Variants in MAPK14 observed in about 807,000 individuals in gnomAD.
MAPK14 encodes CSAID-binding protein.
A neutral mutation model predicts 49.6 loss-of-function variants in MAPK14; 16 were observed. That is an observed-to-expected ratio of 0.32 (90% CI 0.22 to 0.49). The LOEUF (loss-of-function observed/expected upper bound fraction) is 0.49, where lower values mean the gene tolerates loss of function less well. MAPK14 is among the 20% of genes least tolerant of loss of function. The pLI is 0.99. For missense variants in MAPK14, 200 were observed against 441.2 expected, an observed-to-expected ratio of 0.45 and a Z score of 4.90; for synonymous variants, 142 against 158.0, an observed-to-expected ratio of 0.90 and a Z score of 0.76.
intron 1 of MAPK14, among the ~76,000 whole-genome samples, chr6:36,037,310 A>G (rs983262958): frequency 1.3e-5 from 2 of 152,166 alleles, no homozygotes; most frequent in African/African-American, 4.8e-5. Flanking sequence ...AAGTCTTTTA[A>G]TAATTTATTA....
At chr6:36,083,097 C>T (rs1562137183) in intron 8 of MAPK14, among the ~76,000 whole-genome samples, 3 of 152,156 alleles carry the variant, frequency 2.0e-5, no homozygotes, top group African/African-American at 7.2e-5. Flanking sequence ...AGGCTTCCAA[C>T]AAGAAGAACG....
chr6:36,116,308 T>C, the MAPK14 span, among the ~76,000 whole-genome samples: 21 of 152,160 alleles, frequency 1.4e-4, no homozygotes, highest in African/African-American at 2.7e-4. Context: ...TAAGCAACTC[T>C]TGGTAAAAAT....
At chr6:36,037,865 T>G (rs938846303) in intron 1 of MAPK14, among the ~76,000 whole-genome samples, 6 of 152,094 alleles carry the variant, frequency 3.9e-5, no homozygotes, top group Non-Finnish European at 7.4e-5. Flanking sequence ...GGCACACTCC[T>G]GTAGTTCCAA....
chr6:36,113,928 A>T (rs1273467191), downstream of MAPK14, among the ~76,000 whole-genome samples: 2 of 152,242 alleles, frequency 1.3e-5, no homozygotes, highest in African/African-American at 2.4e-5. Context: ...AGTACTTTGT[A>T]GCGGCATTCT....
chr6:36,076,777 AAG>A (rs1334034665), intron 8 of MAPK14, 169 bp downstream of exon 8: 1 of 466,112 alleles, frequency 2.1e-6, no homozygotes, highest in Non-Finnish European at 3.8e-6. Flanking sequence ...CTTGCCAAGA[AAG>A]AGGCTTCAGT....
chr6:36,092,569 AT>A, intron 8 of MAPK14: 1 of 475,178 alleles, frequency 2.1e-6, no homozygotes. Context: ...AGTTTGACCC[AT>A]TTTCCTTCTG....
intron 8 of MAPK14, among the ~76,000 whole-genome samples, chr6:36,088,585 G>A (rs1171010786): frequency 6.6e-6 from 1 of 152,008 alleles, no homozygotes; most frequent in East Asian, 1.9e-4. Context: ...AGCCAGGCAT[G>A]GTGGTGTGCG....
intron 1 of MAPK14, among the ~76,000 whole-genome samples, chr6:36,035,790 G>A (rs557599272): frequency 2.6e-5 from 4 of 152,210 alleles, no homozygotes; most frequent in Non-Finnish European, 4.4e-5. Context: ...TTAAGTCAAA[G>A]CCTAATCTAG....
intron 3 of MAPK14, among the ~76,000 whole-genome samples, chr6:36,068,443 A>T (rs897507939): frequency 6.6e-6 from 1 of 152,004 alleles, no homozygotes; most frequent in Admixed American, 6.6e-5. Flanking sequence ...CTAAAGAAAC[A>T]CTCTTCCCCT....
At chr6:36,037,563 G>A (rs1229131707) in intron 1 of MAPK14, among the ~76,000 whole-genome samples, 1 of 152,154 alleles carries the variant, frequency 6.6e-6, no homozygotes, top group Non-Finnish European at 1.5e-5. Context: ...AGGGGAAGGA[G>A]CATAGGTTCA....
intron 8 of MAPK14, among the ~76,000 whole-genome samples, chr6:36,088,736 A>T (rs536929416): frequency 1.2e-4 from 19 of 152,188 alleles, no homozygotes; most frequent in African/African-American, 2.6e-4. Context: ...AAAAAAAAAA[A>T]ATATTGGCAA....
intron 1 of MAPK14, among the ~76,000 whole-genome samples, chr6:36,045,223 C>T (rs1763126585): frequency 6.6e-6 from 1 of 152,046 alleles, no homozygotes; most frequent in Non-Finnish European, 1.5e-5. Context: ...GCAATCTGTA[C>T]TGATGGATGC....
At chr6:36,041,427 A>G (rs926651953) in intron 1 of MAPK14, among the ~76,000 whole-genome samples, 4 of 151,982 alleles carry the variant, frequency 2.6e-5, no homozygotes, top group African/African-American at 7.3e-5. Context: ...GGTCTTGTTC[A>G]TATACTATCC....
At position 36,029,835 on chromosome 6, in the gene MAPK14, TCA is replaced by T. The variant is rs765284418; in HGVS notation, c.116+1563_116+1564del. 1.1e-4 allele frequency among the ~76,000 whole-genome samples: 16 copies of T among 150,522 alleles called. No homozygotes were observed. In the South Asian group the frequency reaches 2.1e-3, roughly 20 times the overall value. Reference sequence around the variant, plus strand: ...TAAAGGAATTTGCAGCATTTTACATTCAGAGAGTGTGTGTGTGTAGTTGGTTT... The same window carrying T: ...TAAAGGAATTTGCAGCATTTTACATTGAGAGTGTGTGTGTGTAGTTGGTTT... On this transcript the variant is annotated intron_variant, in intron 1 of 11. Transcript: ENST00000229794.
chr6:36,101,727 G>A (rs1765645748), intron 9 of MAPK14, among the ~76,000 whole-genome samples: 1 of 152,100 alleles, frequency 6.6e-6, no homozygotes, highest in Admixed American at 6.5e-5. Context: ...ACCCAGGCTG[G>A]TCTCAAAGTC....
At chr6:36,077,116 T>G (rs1344699564) in intron 8 of MAPK14, among the ~76,000 whole-genome samples, 1 of 152,240 alleles carries the variant, frequency 6.6e-6, no homozygotes, top group East Asian at 1.9e-4. Context: ...AAGCTTACCA[T>G]GTAATGTACT....
intron 10 of MAPK14, among the ~76,000 whole-genome samples, chr6:36,106,717 C>T (rs562187198): frequency 6.6e-6 from 1 of 151,988 alleles, no homozygotes; most frequent in South Asian, 2.1e-4. Flanking sequence ...TATGAGTGTT[C>T]ACTTTATCAT....
At chr6:36,103,322 ATTAT>A (rs10696038) in intron 10 of MAPK14, among the ~76,000 whole-genome samples, 136 of 147,394 alleles carry the variant, frequency 9.2e-4, no homozygotes, top group Non-Finnish European at 1.2e-3. Context: ...CTTTATTATT[ATTAT>A]TTATTTATTT....
chr6:36,047,491 CTG>C (rs1450377225), intron 1 of MAPK14, among the ~76,000 whole-genome samples: 1 of 152,228 alleles, frequency 6.6e-6, no homozygotes, highest in Non-Finnish European at 1.5e-5. Flanking sequence ...GCATTTTACT[CTG>C]TATGCCAAGG....
Sources: gnomAD v4.1 joint callset for allele counts (sites outside exome capture counted in the v4.1 genomes callset) on GRCh38, gnomAD v4.1.1 for gene constraint, MANE v1.5 for transcripts, NCBI Gene and HGNC (gene_info 2026-07-23, HGNC 2026-07-21) for gene names.